ZNF385D: variants seen among roughly 807,000 people sequenced by gnomAD.
ZNF385D encodes the protein zinc finger protein 659.
In ZNF385D, 15 loss-of-function variants were observed where a neutral mutation model predicts 35.8. The ratio of observed to expected loss-of-function variants is 0.42; its 90% CI spans 0.28 to 0.64. The LOEUF is 0.64. Among genes scored for constraint, ZNF385D ranks in the 30% least tolerant of loss-of-function variants. The probability of loss-of-function intolerance (pLI) is 0.23; values close to 1 mark genes in which losing one functional copy is unlikely to be tolerated. For missense variants in ZNF385D, 474 were observed against 494.6 expected, an observed-to-expected ratio of 0.96 and a Z score of 0.39; for synonymous variants, 212 against 186.8, an observed-to-expected ratio of 1.13 and a Z score of -1.10.
At chr3:22,216,283 G>A (rs1697879608) in intron 2 of ZNF385D, among the ~76,000 whole-genome samples, 2 of 151,846 alleles carry the variant, frequency 1.3e-5, no homozygotes, top group South Asian at 2.1e-4. Flanking sequence ...ATAATTTCAT[G>A]AATATAAATA....
chr3:21,662,344 C>A (rs1294009241), intron 2 of ZNF385D, among the ~76,000 whole-genome samples: 1 of 152,110 alleles, frequency 6.6e-6, no homozygotes, highest in Admixed American at 6.6e-5. Context: ...CCCACCAAAG[C>A]CTTATAACCT....
At chr3:21,959,751 A>C (rs1338807573) in intron 3 of ZNF385D, among the ~76,000 whole-genome samples, 1 of 152,180 alleles carries the variant, frequency 6.6e-6, no homozygotes, top group African/African-American at 2.4e-5. Context: ...AAGGTAACTT[A>C]TTTAACTGCT....
Position 21,437,121 on chromosome 3 carries a change from G to A in ZNF385D, c.522C>T (p.Thr174=), listed in dbSNP as rs1453615634. ...TCGTTGGGCTTTTTTCCACTTTAGA[G>A]GTGATCTCAGTTGTCATAACACTGC... ...RKSSVMTTEI[T]SKVEKSPTTA... Residue 174 remains threonine, a synonymous_variant, in exon 5 of 8, where the codon ACC becomes ACT. Coordinates refer to ENST00000281523, the MANE Select transcript of ZNF385D (RefSeq NM_024697.3). 1.2e-6 allele frequency: 2 copies of A among 1,613,928 alleles called. No individual in the cohort carries two copies. Among genetic ancestry groups the A allele is most frequent in the Admixed American group, 1.7e-5 (1 of 59,982 alleles).
intron 4 of ZNF385D, among the ~76,000 whole-genome samples, chr3:21,509,601 G>A (rs796107270): frequency 8.5e-5 from 13 of 152,158 alleles, no homozygotes; most frequent in African/African-American, 2.4e-4. Flanking sequence ...GTATGTGGTG[G>A]CACAAACTTG....
At chr3:21,500,581 C>T (rs183347119) in intron 4 of ZNF385D, among the ~76,000 whole-genome samples, 1 of 152,224 alleles carries the variant, frequency 6.6e-6, no homozygotes, top group East Asian at 1.9e-4. Flanking sequence ...TTCTTTTGTG[C>T]GTTAGCATGT....
chr3:22,109,514 A>G (rs1323682144), intron 3 of ZNF385D, among the ~76,000 whole-genome samples: 3 of 152,156 alleles, frequency 2.0e-5, no homozygotes, highest in Non-Finnish European at 4.4e-5. Flanking sequence ...TTGGAAATGA[A>G]TAAGTATTTG....
At chr3:22,164,280 G>A (rs1373584421) in intron 3 of ZNF385D, among the ~76,000 whole-genome samples, 1 of 125,682 alleles carries the variant, frequency 8.0e-6, no homozygotes, top group Non-Finnish European at 1.6e-5. Context: ...CCAGGTTGTA[G>A]TACAATGGTG....
chr3:22,305,102 C>A (rs1225247756), intron 2 of ZNF385D, among the ~76,000 whole-genome samples: 1 of 151,956 alleles, frequency 6.6e-6, no homozygotes, highest in Non-Finnish European at 1.5e-5. Context: ...GTCTTAGGTA[C>A]CTTCCTTTAA....
At chr3:22,044,564 T>G (rs927339013) in intron 3 of ZNF385D, among the ~76,000 whole-genome samples, 1 of 152,142 alleles carries the variant, frequency 6.6e-6, no homozygotes, top group African/African-American at 2.4e-5. Context: ...TGTATCCTTA[T>G]GTTTTGGAGA....
chr3:21,751,371 G>A (rs945241737), upstream of ZNF385D: 5 of 1,038,708 alleles, frequency 4.8e-6, no homozygotes, highest in Admixed American at 5.3e-5. Context: ...GGCGCGGGAG[G>A]CTCTCTTAAA....
intron 3 of ZNF385D, among the ~76,000 whole-genome samples, chr3:22,112,198 G>T (rs1425923463): frequency 9.9e-5 from 15 of 152,074 alleles, no homozygotes; most frequent in Admixed American, 9.2e-4. Flanking sequence ...ATTATTTATT[G>T]TTCCTATACC....
intron 3 of ZNF385D, among the ~76,000 whole-genome samples, chr3:21,818,351 G>A (rs987693411): frequency 2.0e-5 from 3 of 152,070 alleles, no homozygotes; most frequent in Non-Finnish European, 1.5e-5. Context: ...ATACTTAAGA[G>A]ACCTATTGAC....
At chr3:21,597,071 C>A (rs189361848) in intron 2 of ZNF385D, among the ~76,000 whole-genome samples, 9 of 151,792 alleles carry the variant, frequency 5.9e-5, no homozygotes, top group Admixed American at 5.9e-4. Flanking sequence ...TTTTTAGATT[C>A]GAAAAAAATA....
At chr3:21,537,236 G>C (rs1025288079) in intron 3 of ZNF385D, among the ~76,000 whole-genome samples, 1 of 148,822 alleles carries the variant, frequency 6.7e-6, no homozygotes, top group Admixed American at 6.8e-5. Flanking sequence ...GGGTCCAAGC[G>C]ATTCTCCTGC....
At chr3:21,440,034 TATTA>T (rs1248568722) in intron 4 of ZNF385D, among the ~76,000 whole-genome samples, 1 of 152,240 alleles carries the variant, frequency 6.6e-6, no homozygotes, top group Non-Finnish European at 1.5e-5. Context: ...ATAGGAATAC[TATTA>T]ATTTTTAAGT....
intron 1 of ZNF385D, among the ~76,000 whole-genome samples, chr3:21,714,866 A>G (rs1447027351): frequency 6.6e-6 from 1 of 152,208 alleles, no homozygotes; most frequent in African/African-American, 2.4e-5. Context: ...GCATGATATT[A>G]TAAGACACAC....
chr3:22,168,679 A>T, intron 3 of ZNF385D: 1 of 396,358 alleles, frequency 2.5e-6, no homozygotes, highest in Non-Finnish European at 3.4e-6. Context: ...ATTTTAATGT[A>T]CTCTGCTGAT....
intron 2 of ZNF385D, among the ~76,000 whole-genome samples, chr3:21,661,164 A>T (rs1018270727): frequency 6.6e-6 from 1 of 152,206 alleles, no homozygotes. Flanking sequence ...AATACTCCCA[A>T]TGGTTTTGTA....
At chr3:21,875,151 T>C (rs1697895325) in intron 3 of ZNF385D, among the ~76,000 whole-genome samples, 1 of 152,108 alleles carries the variant, frequency 6.6e-6, no homozygotes, top group African/African-American at 2.4e-5. Context: ...TTCTTTGGTG[T>C]GAAGTACGTA....
Sources: allele counts gnomAD v4.1 joint callset (sites outside exome capture counted in the v4.1 genomes callset), GRCh38; gene constraint gnomAD v4.1.1; transcripts MANE v1.5; gene names NCBI Gene and HGNC (gene_info 2026-07-23, HGNC 2026-07-21).